Variants in TRIO observed in about 807,000 individuals in gnomAD.
TRIO encodes the protein trio Rho guanine nucleotide exchange factor, also known as triple functional domain protein.
TRIO carries 58 observed loss-of-function variants against 351.9 expected under a neutral mutation model. The ratio of observed to expected loss-of-function variants is 0.16; its 90% confidence interval spans 0.13 to 0.21. TRIO has a LOEUF of 0.21. TRIO is among the 10% of genes least tolerant of loss of function. TRIO has a pLI of 1.00. For synonymous variants in TRIO, 1,758 were observed against 1,595.7 expected, an observed-to-expected ratio of 1.10 and a Z score of -2.42; for missense variants, 3,201 against 4,027.8, an observed-to-expected ratio of 0.79 and a Z score of 5.56.
rs146220884 is a variant in TRIO, at chr5:14,425,797, G to A, written c.5203+5776G>A. Among the ~76,000 whole-genome samples the A allele has an allele frequency of 1.9e-3, 282 of 152,314 alleles. 4 individuals carry two copies. Among genetic ancestry groups the A allele is most frequent in the African/African-American group, 6.4e-3 (264 of 41,574 alleles). ...GCCATGTGAGGGCACAGAAGGCACC[G>A]TCTTTGAGGAGCAGGCCCTCTTTAA... On this transcript the variant is annotated intron_variant, in intron 34 of 56. Transcript: ENST00000344204.
At chr5:14,486,080 C>G (rs1755896798) in intron 47 of TRIO, among the ~76,000 whole-genome samples, 1 of 152,158 alleles carries the variant, frequency 6.6e-6, no homozygotes, top group South Asian at 2.1e-4. Flanking sequence ...CGTGGCCACA[C>G]TACCCTTCCA....
chr5:14,492,872 C>T (rs952791828), intron 49 of TRIO, 58 bp downstream of exon 49: 41 of 1,591,766 alleles, frequency 2.6e-5, no homozygotes, highest in Non-Finnish European at 3.5e-5. Flanking sequence ...GGCACAGCAC[C>T]CGTGAGGCAC....
intron 1 of TRIO, among the ~76,000 whole-genome samples, chr5:14,200,246 C>T (rs1461526435): frequency 2.0e-5 from 3 of 152,280 alleles, no homozygotes; most frequent in African/African-American, 7.2e-5. Context: ...CTTCTCAGGG[C>T]CCTTCCCTTC....
chr5:14,502,493 C>A, intron 53 of TRIO, 86 bp from the exon 54 acceptor site: 1 of 1,386,868 alleles, frequency 7.2e-7, no homozygotes, highest in African/African-American at 1.4e-5. Context: ...CGCGCAGCTG[C>A]TGTGAGGGAC....
intron 20 of TRIO, among the ~76,000 whole-genome samples, chr5:14,379,211 T>C (rs1745846436): frequency 6.6e-6 from 1 of 152,212 alleles, no homozygotes; most frequent in East Asian, 1.9e-4. Flanking sequence ...ACAGTTGGTG[T>C]TGACCCACAT....
In TRIO at chr5:14,504,531, C is replaced by A; in HGVS notation, c.8550C>A (p.Pro2850=). The part of the protein sequence containing the change: ...ELGILQSLQH[P]LLVGLLDTFE... ...GCATCCTGCAGAGCCTCCAGCACCC[C>A]CTGCTTGTCGGCCTCCTCGACACCT... The change falls in exon 55 of 57, where the codon CCC becomes CCA. Residue 2850 remains proline, a synonymous_variant. Coordinates refer to ENST00000344204, the MANE Select transcript of TRIO (RefSeq NM_007118.4). The A allele has an allele frequency of 1.2e-6, 2 of 1,614,162 alleles. No homozygotes were observed. Among genetic ancestry groups the A allele is most frequent in the Non-Finnish European group, 1.7e-6 (2 of 1,180,036 alleles).
At chr5:14,462,999 C>T (rs1753948847) in intron 36 of TRIO, 74 bp downstream of exon 36, 1 of 1,460,178 alleles carries the variant, frequency 6.8e-7, no homozygotes, top group East Asian at 2.6e-5. Flanking sequence ...CTGCTTCACA[C>T]CAGCCTCATT....
chr5:14,153,889 T>A (rs11133783), intron 1 of TRIO, among the ~76,000 whole-genome samples: 52,388 of 152,126 alleles, frequency 0.34, 9,461 homozygotes, highest in Middle Eastern at 0.49. Context: ...ATCAAAGCTA[T>A]AATTTACAAG....
intron 34 of TRIO, among the ~76,000 whole-genome samples, chr5:14,457,803 C>G (rs1753474232): frequency 6.6e-6 from 1 of 152,166 alleles, no homozygotes; most frequent in South Asian, 2.1e-4. Flanking sequence ...GCCTGCTTCT[C>G]TGTAGCCCTG....
At chr5:14,183,273 T>C (rs1307796333) in intron 1 of TRIO, among the ~76,000 whole-genome samples, 4 of 152,178 alleles carry the variant, frequency 2.6e-5, no homozygotes, top group Non-Finnish European at 4.4e-5. Context: ...ACGTATGTTG[T>C]GCCCTTGGGA....
At chr5:14,312,975 T>A (rs1739059120) in intron 8 of TRIO, among the ~76,000 whole-genome samples, 3 of 152,250 alleles carry the variant, frequency 2.0e-5, no homozygotes. Flanking sequence ...ATATATGCCA[T>A]CCTTTATGTG....
At chr5:14,270,552 T>C (rs1351813476) in intron 1 of TRIO, among the ~76,000 whole-genome samples, 1 of 152,248 alleles carries the variant, frequency 6.6e-6, no homozygotes, top group African/African-American at 2.4e-5. Context: ...TCCTGTCTCC[T>C]TTTGGGACCA....
chr5:14,245,702 C>T (rs184694352), intron 1 of TRIO, among the ~76,000 whole-genome samples: 22 of 152,320 alleles, frequency 1.4e-4, no homozygotes, highest in Admixed American at 9.8e-4. Flanking sequence ...GCTGTCTCCA[C>T]CTGTGCACAC....
chr5:14,461,394 T>C (rs537251325), intron 35 of TRIO, 83 bp downstream of exon 35: 2 of 1,413,890 alleles, frequency 1.4e-6, no homozygotes, highest in Non-Finnish European at 1.8e-6. Flanking sequence ...ATCTTATGAG[T>C]AAACTGGTTT....
chr5:14,433,186 A>C (rs2152398939), intron 34 of TRIO, among the ~76,000 whole-genome samples: 1 of 152,346 alleles, frequency 6.6e-6, no homozygotes, highest in East Asian at 1.9e-4. Context: ...AAACTCACAT[A>C]GTTTGTGAAA....
intron 40 of TRIO, among the ~76,000 whole-genome samples, chr5:14,474,309 C>G (rs143514680): frequency 1.3e-5 from 2 of 152,272 alleles, no homozygotes; most frequent in Non-Finnish European, 2.9e-5. Context: ...TCGTGCTGGT[C>G]CATGTCGAGA....
intron 34 of TRIO, among the ~76,000 whole-genome samples, chr5:14,458,990 CATAAT>C (rs1424237899): frequency 6.6e-6 from 1 of 152,200 alleles, no homozygotes; most frequent in African/African-American, 2.4e-5. Context: ...AGTACACAAA[CATAAT>C]ATAGACACAC....
intron 34 of TRIO, among the ~76,000 whole-genome samples, chr5:14,450,944 C>T (rs1046697703): frequency 5.3e-5 from 8 of 152,140 alleles, no homozygotes; most frequent in South Asian, 2.1e-4. Context: ...AGATGATACA[C>T]CAAACATATG....
At chr5:14,379,237 G>T (rs1382038374) in intron 20 of TRIO, among the ~76,000 whole-genome samples, 1 of 152,176 alleles carries the variant, frequency 6.6e-6, no homozygotes, top group East Asian at 1.9e-4. Context: ...CCACGACACG[G>T]ACCCATTTTC....
Sources: gnomAD v4.1 joint callset for allele counts (sites outside exome capture counted in the v4.1 genomes callset) on GRCh38, gnomAD v4.1.1 for gene constraint, MANE v1.5 for transcripts, NCBI Gene and HGNC (gene_info 2026-07-23, HGNC 2026-07-21) for gene names.